Variants in GSAP observed in about 807,000 individuals in gnomAD.
GSAP encodes gamma-secretase activating protein, also known as gamma-secretase-activating protein.
A neutral mutation model predicts 131.7 loss-of-function variants in GSAP; 118 were observed. The observed-to-expected ratio is 0.90, with a 90% CI of 0.77 to 1.04. The LOEUF (loss-of-function observed/expected upper bound fraction) is 1.04, where lower values mean the gene tolerates loss of function less well. Ranked by LOEUF, GSAP falls within the 50% of genes least tolerant of loss-of-function variation. GSAP has a pLI of 0.00. For synonymous variants in GSAP, 381 were observed against 363.4 expected (o/e 1.05, Z -0.55); for missense variants, 1,019 against 1,013.2 (o/e 1.01, Z -0.08).
At chr7:77,322,291 G>A (rs972802810) in intron 24 of GSAP, among the ~76,000 whole-genome samples, 1 of 152,320 alleles carries the variant, frequency 6.6e-6, no homozygotes, top group East Asian at 1.9e-4. Flanking sequence ...TTAGAGGGGA[G>A]CAGAAGGCAT....
intron 12 of GSAP, 52 bp downstream of exon 12, chr7:77,374,018 G>C: frequency 1.0e-6 from 1 of 986,478 alleles, no homozygotes; most frequent in Non-Finnish European, 1.6e-6. Flanking sequence ...AGTAAATTTT[G>C]TCTAGAACTC....
chr7:77,331,293 T>C (rs568391726), intron 19 of GSAP, among the ~76,000 whole-genome samples: 1 of 152,262 alleles, frequency 6.6e-6, no homozygotes, highest in East Asian at 1.9e-4. Context: ...AGAGCGAGAC[T>C]CCGTCTCAAA....
chr7:77,352,553 A>C (rs1382261488), intron 18 of GSAP, among the ~76,000 whole-genome samples: 2 of 152,224 alleles, frequency 1.3e-5, no homozygotes, highest in Non-Finnish European at 2.9e-5. Context: ...TGGGGCTGGA[A>C]AAAGGGGTCG....
intron 5 of GSAP, among the ~76,000 whole-genome samples, chr7:77,389,965 T>A (rs1799210843): frequency 6.6e-6 from 1 of 152,234 alleles, no homozygotes; most frequent in Non-Finnish European, 1.5e-5. Context: ...GACTTTTTAA[T>A]GATTGCCATT....
At position 77,402,410 on chromosome 7, in the gene GSAP, AAAT is replaced by A. The variant is rs1356820265; in HGVS notation, c.243+2146_243+2148del. On this transcript the variant is annotated intron_variant, in intron 3 of 30. Coordinates refer to ENST00000257626, the MANE Select transcript of GSAP (RefSeq NM_017439.4). ...AAAAAAAAAAGAAAAAAGAAAAAAA[AAAT>A]ATATATATATACACACACACAGAAA... Among the ~76,000 whole-genome samples, 27 of 121,626 alleles carry A rather than the reference AAAT, an allele frequency of 2.2e-4. No homozygotes were observed. The East Asian group carries it at 6.1e-3, about 28-fold the overall frequency. The allele number at this position is 121,626 out of a possible 152,430, so 79.8% of individuals were successfully genotyped here.
intron 18 of GSAP, among the ~76,000 whole-genome samples, chr7:77,349,848 G>A (rs893735931): frequency 6.6e-6 from 1 of 152,090 alleles, no homozygotes; most frequent in Non-Finnish European, 1.5e-5. Context: ...AAGACTAACA[G>A]GATTCTTGCA....
intron 19 of GSAP, among the ~76,000 whole-genome samples, chr7:77,347,517 T>C (rs77589954): frequency 0.14 from 21,120 of 152,136 alleles, 1,636 homozygotes; most frequent in Non-Finnish European, 0.15. Flanking sequence ...ATGATTATTG[T>C]TGCAGTGTGA....
intron 26 of GSAP, 28 bp from the exon 27 acceptor site, chr7:77,314,517 A>G: frequency 6.2e-7 from 1 of 1,612,750 alleles, no homozygotes; most frequent in Non-Finnish European, 8.5e-7. Flanking sequence ...GAGGGTAAAC[A>G]CAGTCAGCCA....
intron 3 of GSAP, among the ~76,000 whole-genome samples, chr7:77,401,945 T>C (rs1007935396): frequency 6.6e-6 from 1 of 152,226 alleles, no homozygotes. Flanking sequence ...TCTACACAAG[T>C]AATGAAATGG....
In GSAP at chr7:77,380,708, TA is replaced by T. The variant is rs371998335; in HGVS notation, c.576+596del. On this transcript the variant is annotated intron_variant, in intron 8 of 30. Coordinates refer to ENST00000257626, the MANE Select transcript of GSAP (RefSeq NM_017439.4). ...ATACCAGGTTGTGAACAAAAGAGAT[TA>T]AAAAAAAAAGTACATGTGGAAAACA... 3.4e-3 allele frequency among the ~76,000 whole-genome samples: 492 copies of T among 145,064 alleles called. 4 individuals carry two copies. The highest frequency in any genetic ancestry group is 0.011 in the African/African-American group (446 of 39,510).
chr7:77,346,219 G>A (rs1358607187), intron 19 of GSAP, among the ~76,000 whole-genome samples: 1 of 126,190 alleles, frequency 7.9e-6, no homozygotes, highest in Non-Finnish European at 1.6e-5. Flanking sequence ...GCAGTGAGCC[G>A]AGATCACACC....
chr7:77,398,949 TAAC>T (rs767582501), intron 3 of GSAP, among the ~76,000 whole-genome samples: 6 of 152,350 alleles, frequency 3.9e-5, no homozygotes, highest in South Asian at 2.1e-4. Context: ...TTTTTTCATG[TAAC>T]AACATGTTTT....
chr7:77,328,553 C>A, intron 22 of GSAP, 53 bp downstream of exon 22: 1 of 1,591,830 alleles, frequency 6.3e-7, no homozygotes, highest in Non-Finnish European at 8.5e-7. Flanking sequence ...AACAGTGCTA[C>A]AAACAAAACA....
intron 22 of GSAP, chr7:77,328,185 A>T: frequency 1.0e-6 from 1 of 991,102 alleles, no homozygotes; most frequent in Non-Finnish European, 1.2e-6. Context: ...CCTCATCTTT[A>T]TGCCTCTAGG....
Position 77,371,811 on chromosome 7 carries a change from C to T in GSAP, c.871+2259G>A, listed in dbSNP as rs556232613. On this transcript the variant is annotated intron_variant, in intron 12 of 30. Transcript: ENST00000257626. Reference sequence around the variant, plus strand: ...CTAATCATGTTACTGCCTGCACAGACGCTTCAGTGAAGGAGTATCAGTGAA... The same window carrying T: ...CTAATCATGTTACTGCCTGCACAGATGCTTCAGTGAAGGAGTATCAGTGAA... Among the ~76,000 whole-genome samples the T allele has an allele frequency of 4.6e-5, 7 of 152,316 alleles. No homozygotes were observed. The South Asian group carries it at 6.2e-4, about 14-fold the overall frequency.
At position 77,406,121 on chromosome 7, in the gene GSAP, G is replaced by C; in HGVS notation, c.110-16C>G. 8.0e-7 allele frequency: 1 copy of C among 1,256,100 alleles called. No homozygotes were observed. Among genetic ancestry groups the C allele is most frequent in the Admixed American group, 3.4e-5 (1 of 29,146 alleles). 77.8% of individuals were successfully genotyped at this position (1,256,100 alleles called of 1,614,324 possible). On this transcript the variant is annotated splice_polypyrimidine_tract_variant and intron_variant, in intron 1 of 30. Coordinates refer to ENST00000257626, the MANE Select transcript of GSAP (RefSeq NM_017439.4). ...TCTAAAACATCTGAAATGATAATAG[G>C]AGGTTAATACTCAGCAGAAGATGGT...
At position 77,352,971 on chromosome 7, in the gene GSAP, T is replaced by G. The variant is rs1347193587; in HGVS notation, c.1464A>C (p.Pro488=). 1 of 1,602,714 alleles carries G rather than the reference T, an allele frequency of 6.2e-7. No individual in the cohort carries two copies. Among genetic ancestry groups the G allele is most frequent in the South Asian group, 1.1e-5 (1 of 90,860 alleles). The change falls in exon 18 of 31, where the codon CCA becomes CCC. Residue 488 remains proline, a synonymous_variant. Coordinates refer to ENST00000257626, the MANE Select transcript of GSAP (RefSeq NM_017439.4). ...TATTCCAAGTGAGCACTGAGGAATG[T>G]GGCAATAGTTTGTCCATGTTACTTG... The part of the protein sequence containing the change: ...SETSNMDKLL[P]HSSVLTWNTE...
chr7:77,405,779 T>C (rs1802157870), intron 2 of GSAP, among the ~76,000 whole-genome samples: 1 of 152,202 alleles, frequency 6.6e-6, no homozygotes, highest in East Asian at 1.9e-4. Flanking sequence ...CCTCAAGTGA[T>C]CTGCCCGTTG....
intron 1 of GSAP, among the ~76,000 whole-genome samples, chr7:77,406,436 T>A (rs1454146141): frequency 1.3e-5 from 2 of 152,228 alleles, no homozygotes; most frequent in African/African-American, 4.8e-5. Context: ...AAATTTCAAG[T>A]ATCTATTAGT....
Sources: allele counts gnomAD v4.1 joint callset (sites outside exome capture counted in the v4.1 genomes callset), GRCh38; gene constraint gnomAD v4.1.1; transcripts MANE v1.5; gene names NCBI Gene and HGNC (gene_info 2026-07-23, HGNC 2026-07-21).